Variants in AFF3 observed in about 807,000 individuals in gnomAD.
AFF3 encodes the protein ALF transcription elongation factor 3.
AFF3 carries 32 observed loss-of-function variants against 129.7 expected under a neutral mutation model. The observed-to-expected ratio is 0.25, with a 90% CI of 0.19 to 0.33. The LOEUF (loss-of-function observed/expected upper bound fraction) is 0.33, where lower values mean the gene tolerates loss of function less well. Among genes scored for constraint, AFF3 ranks in the 10% least tolerant of loss-of-function variants. The probability of loss-of-function intolerance (pLI) is 1.00; values close to 1 mark genes in which losing one functional copy is unlikely to be tolerated. For synonymous variants in AFF3, 644 were observed against 635.4 expected, an observed-to-expected ratio of 1.01 and a Z score of -0.20; for missense variants, 1,373 against 1,592.0, an observed-to-expected ratio of 0.86 and a Z score of 2.34.
At chr2:99,991,333 C>G (rs1680316689) in intron 7 of AFF3, among the ~76,000 whole-genome samples, 2 of 152,060 alleles carry the variant, frequency 1.3e-5, no homozygotes, top group Admixed American at 1.3e-4. Context: ...GGTCTTAGCA[C>G]TGCAGGAAAC....
intron 12 of AFF3, among the ~76,000 whole-genome samples, chr2:99,652,005 C>T (rs1023149813): frequency 3.3e-5 from 5 of 152,096 alleles, no homozygotes; most frequent in African/African-American, 1.2e-4. Context: ...ATAACATGGA[C>T]ATGAAAGATT....
intron 4 of AFF3, among the ~76,000 whole-genome samples, chr2:100,078,627 A>T (rs1688788597): frequency 6.6e-6 from 1 of 152,158 alleles, no homozygotes; most frequent in Non-Finnish European, 1.5e-5. Context: ...GAATGAACTG[A>T]GTTAAATGGA....
chr2:100,068,376 T>G (rs1374303309), intron 4 of AFF3, among the ~76,000 whole-genome samples: 1 of 152,182 alleles, frequency 6.6e-6, no homozygotes, highest in Non-Finnish European at 1.5e-5. Context: ...TAGCTTCTGA[T>G]GAGCTAGGAA....
intron 8 of AFF3, among the ~76,000 whole-genome samples, chr2:99,782,092 T>A (rs1382879261): frequency 6.6e-6 from 1 of 152,210 alleles, no homozygotes; most frequent in Admixed American, 6.5e-5. Flanking sequence ...GGGTTTTTTC[T>A]TTTTCTTCTT....
intron 7 of AFF3, among the ~76,000 whole-genome samples, chr2:99,953,485 T>C (rs1030123389): frequency 1.7e-4 from 26 of 152,202 alleles, no homozygotes; most frequent in African/African-American, 5.5e-4. Context: ...GAAGAAGATG[T>C]GCCATTTAAA....
intron 9 of AFF3, among the ~76,000 whole-genome samples, 196 bp downstream of exon 9, chr2:99,752,025 T>A (rs1286580540): frequency 6.6e-6 from 1 of 152,178 alleles, no homozygotes; most frequent in Non-Finnish European, 1.5e-5. Flanking sequence ...GAAGTGTAGG[T>A]AAGTAAGATT....
At chr2:99,726,085 A>G (rs949171036) in intron 11 of AFF3, among the ~76,000 whole-genome samples, 8 of 152,240 alleles carry the variant, frequency 5.3e-5, no homozygotes, top group Non-Finnish European at 1.2e-4. Flanking sequence ...CACATTCATT[A>G]TAACATCTGA....
At position 99,546,643 on chromosome 2, in the gene AFF3, A is replaced by G. The variant is rs1471050181; in HGVS notation, c.*4831T>C. 4.3e-6 allele frequency: 1 copy of G among 231,356 alleles called. No individual in the cohort carries two copies. Among genetic ancestry groups the G allele is most frequent in the Non-Finnish European group, 8.5e-6 (1 of 117,112 alleles). The allele number at this position is 231,356 out of a possible 1,614,324, so 14.3% of individuals were successfully genotyped here. ...ATAAGACTAAAAATGAAGTTAACAAACTTACCCTCCCACATAGGGGATGCT... is the reference window on the plus strand; with the variant it reads ...ATAAGACTAAAAATGAAGTTAACAAGCTTACCCTCCCACATAGGGGATGCT... On this transcript the variant is annotated 3_prime_UTR_variant, in exon 25 of 25. Transcript: ENST00000672756.
At chr2:99,814,120 GA>G (rs559986523) in intron 8 of AFF3, among the ~76,000 whole-genome samples, 158 of 152,258 alleles carry the variant, frequency 1.0e-3, no homozygotes, top group African/African-American at 3.6e-3. Context: ...TTTCTTGGGG[GA>G]AAGTTGCTGT....
chr2:99,710,807 G>C (rs1410190339), intron 11 of AFF3, among the ~76,000 whole-genome samples: 1 of 152,152 alleles, frequency 6.6e-6, no homozygotes, highest in African/African-American at 2.4e-5. Context: ...GGAGGCAGAG[G>C]CTAACATATT....
chr2:100,108,908 CTTTTTTTTTTTTTTT>C (rs34769933), intron 2 of AFF3, among the ~76,000 whole-genome samples: 2 of 88,108 alleles, frequency 2.3e-5, no homozygotes, highest in African/African-American at 8.7e-5. Flanking sequence ...CATTTCTTTC[CTTTTTTTTTTTTTTT>C]TTTTTTTTTT....
intron 11 of AFF3, among the ~76,000 whole-genome samples, chr2:99,672,880 T>C (rs1020482798): frequency 6.6e-6 from 1 of 152,138 alleles, no homozygotes; most frequent in Admixed American, 6.5e-5. Context: ...AATAACGTAT[T>C]GTATATTTCG....
intron 8 of AFF3, among the ~76,000 whole-genome samples, chr2:99,772,445 C>T (rs540501058): frequency 1.4e-4 from 21 of 152,326 alleles, no homozygotes; most frequent in African/African-American, 4.8e-4. Flanking sequence ...GAACTTTACA[C>T]AGAAATTGCC....
At chr2:99,865,729 G>T (rs1691341561) in intron 7 of AFF3, among the ~76,000 whole-genome samples, 1 of 152,120 alleles carries the variant, frequency 6.6e-6, no homozygotes, top group South Asian at 2.1e-4. Context: ...ACAGACCAAA[G>T]GCTCCAGATG....
At chr2:99,909,723 T>C (rs1367258542) in intron 7 of AFF3, among the ~76,000 whole-genome samples, 1 of 152,174 alleles carries the variant, frequency 6.6e-6, no homozygotes, top group African/African-American at 2.4e-5. Flanking sequence ...GAATGTGGCA[T>C]TCCTTGCAAA....
chr2:99,574,583 A>G lies in AFF3; in HGVS notation c.2918+3744T>C, dbSNP rs1676815550. On this transcript the variant is annotated intron_variant, in intron 18 of 24. Transcript: ENST00000672756. ...CTCTTCCCTGGGAATGTAATTTATA[A>G]TTCAGCTGGGTTCATTCAACACTTG... Among the ~76,000 whole-genome samples, 3 of 152,226 alleles carry G rather than the reference A, an allele frequency of 2.0e-5. No individual in the cohort carries two copies. The South Asian group carries it at 6.2e-4, about 31-fold the overall frequency.
At chr2:99,835,158 C>T (rs1239835784) in intron 8 of AFF3, among the ~76,000 whole-genome samples, 1 of 152,162 alleles carries the variant, frequency 6.6e-6, no homozygotes, top group African/African-American at 2.4e-5. Flanking sequence ...CTCCCTCTTG[C>T]TTCTCCTTTT....
chr2:99,914,518 T>G (rs752203048), intron 7 of AFF3, among the ~76,000 whole-genome samples: 4 of 152,200 alleles, frequency 2.6e-5, no homozygotes. Context: ...CTGTAGATTA[T>G]AGCATTGTAT....
At chr2:100,061,857 A>AG (rs11370065) in intron 4 of AFF3, among the ~76,000 whole-genome samples, 10,450 of 97,190 alleles carry the variant, frequency 0.11, 997 homozygotes, top group African/African-American at 0.22. Context: ...AGCACAGTGG[A>AG]GGGGGGGGGG....
Sources: allele counts gnomAD v4.1 joint callset (sites outside exome capture counted in the v4.1 genomes callset), GRCh38; gene constraint gnomAD v4.1.1; transcripts MANE v1.5; gene names NCBI Gene and HGNC (gene_info 2026-07-23, HGNC 2026-07-21).